TNIK: variants seen among roughly 807,000 people sequenced by gnomAD.
TNIK encodes the protein TRAF2 and NCK interacting kinase, also known as TRAF2 and NCK-interacting protein kinase.
In TNIK, 49 loss-of-function variants were observed where a neutral mutation model predicts 191.3. The observed-to-expected ratio is 0.26, with a 90% CI of 0.20 to 0.32. The LOEUF (loss-of-function observed/expected upper bound fraction) is 0.32. Among genes scored for constraint, TNIK ranks in the 10% least tolerant of loss-of-function variants. TNIK has a pLI of 1.00. For synonymous variants in TNIK, 594 were observed against 600.9 expected, an observed-to-expected ratio of 0.99 and a Z score of 0.17; for missense variants, 1,155 against 1,702.3, an observed-to-expected ratio of 0.68 and a Z score of 5.66.
chr3:171,106,885 T>A (rs905171983), intron 21 of TNIK: 6 of 507,460 alleles, frequency 1.2e-5, no homozygotes, highest in Non-Finnish European at 2.3e-5. Flanking sequence ...AGGTTTGCTA[T>A]TGGAAGATAC....
intron 3 of TNIK, among the ~76,000 whole-genome samples, chr3:171,214,446 T>C (rs896039380): frequency 6.6e-6 from 1 of 152,208 alleles, no homozygotes; most frequent in Non-Finnish European, 1.5e-5. Flanking sequence ...AGTGGCAGAA[T>C]TGCCACTGAA....
intron 3 of TNIK, among the ~76,000 whole-genome samples, chr3:171,219,096 A>G (rs1383947506): frequency 1.5e-5 from 2 of 132,882 alleles, no homozygotes; most frequent in Non-Finnish European, 3.1e-5. Context: ...ATATAAATAT[A>G]TAATTATAAA....
At chr3:171,317,784 C>A (rs1252676379) in intron 2 of TNIK, among the ~76,000 whole-genome samples, 1 of 152,144 alleles carries the variant, frequency 6.6e-6, no homozygotes, top group Non-Finnish European at 1.5e-5. Context: ...ACATTGGTAT[C>A]CAGGTCCTAG....
intron 3 of TNIK, among the ~76,000 whole-genome samples, chr3:171,218,291 G>T (rs549399052): frequency 1.6e-4 from 25 of 152,182 alleles, no homozygotes; most frequent in South Asian, 4.2e-4. Flanking sequence ...CCCTAAAGGG[G>T]TAGATAACAA....
At chr3:171,125,551 G>A (rs1728342637) in intron 17 of TNIK, among the ~76,000 whole-genome samples, 1 of 152,130 alleles carries the variant, frequency 6.6e-6, no homozygotes, top group Admixed American at 6.5e-5. Flanking sequence ...CTTTTTATCT[G>A]GAAGTTTTCA....
intron 2 of TNIK, among the ~76,000 whole-genome samples, chr3:171,232,078 T>C (rs1016628233): frequency 1.3e-5 from 2 of 152,216 alleles, no homozygotes; most frequent in Admixed American, 1.3e-4. Flanking sequence ...AAGGGGATGT[T>C]ATTGCAATAG....
At chr3:171,305,436 G>C (rs1358748082) in intron 2 of TNIK, among the ~76,000 whole-genome samples, 1 of 152,092 alleles carries the variant, frequency 6.6e-6, no homozygotes, top group South Asian at 2.1e-4. Flanking sequence ...AAACCTACAG[G>C]ATGGGAGAAA....
chr3:171,299,553 G>C lies in TNIK; in HGVS notation c.123+70067C>G, dbSNP rs574059316. 2.0e-5 allele frequency among the ~76,000 whole-genome samples: 3 copies of C among 152,254 alleles called. No homozygotes were observed. In the South Asian group the frequency reaches 6.2e-4, roughly 32 times the overall value. Reference sequence around the variant, plus strand: ...AAGGTGACTTTTATGATAACTATTTGTTGCTCAGCCTCAGCTTAGATGGTT... The same window carrying C: ...AAGGTGACTTTTATGATAACTATTTCTTGCTCAGCCTCAGCTTAGATGGTT... On this transcript the variant is annotated intron_variant, in intron 2 of 32. Transcript: ENST00000436636.
chr3:171,267,405 A>G (rs1748531092), intron 2 of TNIK, among the ~76,000 whole-genome samples: 1 of 152,224 alleles, frequency 6.6e-6, no homozygotes. Flanking sequence ...AAGGGAATAT[A>G]CTTAATTCAG....
intron 32 of TNIK, among the ~76,000 whole-genome samples, chr3:171,065,727 G>A (rs918017314): frequency 6.6e-6 from 1 of 151,830 alleles, no homozygotes; most frequent in East Asian, 1.9e-4. Flanking sequence ...CATTCCTTAA[G>A]GAATGGGTGA....
intron 3 of TNIK, 102 bp from the exon 4 acceptor site, chr3:171,211,343 T>C: frequency 7.7e-7 from 1 of 1,307,088 alleles, no homozygotes; most frequent in Non-Finnish European, 1.0e-6. Context: ...TTTTCTTCCT[T>C]GTTGACAAAT....
At chr3:171,289,371 T>A (rs1751426335) in intron 2 of TNIK, among the ~76,000 whole-genome samples, 1 of 152,214 alleles carries the variant, frequency 6.6e-6, no homozygotes, top group Non-Finnish European at 1.5e-5. Flanking sequence ...AATAAGGTCT[T>A]AAAAACTCTT....
At chr3:171,066,384 G>T in intron 31 of TNIK, 58 bp from the exon 32 acceptor site, 1 of 1,596,274 alleles carries the variant, frequency 6.3e-7, no homozygotes. Context: ...ATAACTCACA[G>T]CATCTGTTCA....
intron 2 of TNIK, among the ~76,000 whole-genome samples, chr3:171,306,958 C>CG (rs1753518510): frequency 6.6e-6 from 1 of 151,960 alleles, no homozygotes; most frequent in Non-Finnish European, 1.5e-5. Context: ...ACACAAGCCC[C>CG]GGGAACAAAG....
At chr3:171,289,643 C>A (rs1247236306) in intron 2 of TNIK, among the ~76,000 whole-genome samples, 1 of 152,120 alleles carries the variant, frequency 6.6e-6, no homozygotes, top group Admixed American at 6.6e-5. Context: ...GTGGCTCATG[C>A]CTAATCCCAG....
chr3:171,315,428 T>C (rs1560416792), intron 2 of TNIK, among the ~76,000 whole-genome samples: 3 of 152,134 alleles, frequency 2.0e-5, no homozygotes, highest in Admixed American at 1.3e-4. Context: ...AATTCAATCA[T>C]TGACCCACAC....
chr3:171,094,971 T>C (rs1722529165), intron 22 of TNIK, among the ~76,000 whole-genome samples: 1 of 152,172 alleles, frequency 6.6e-6, no homozygotes, highest in African/African-American at 2.4e-5. Context: ...AAAAAATGAT[T>C]ATTAGATCCA....
rs575693632 is a variant in TNIK at position 171,391,344 on chromosome 3, A to G, written c.58-21659T>C. Among the ~76,000 whole-genome samples, 5 of 152,340 alleles carry G rather than the reference A, an allele frequency of 3.3e-5. No individual in the cohort carries two copies. In the South Asian group the frequency reaches 6.2e-4, roughly 19 times the overall value. ...TAAGAATTATTTTGAGCTAAAGGCA[A>G]CTGACAAACATCAGATGTATATAAA... On this transcript the variant is annotated intron_variant, in intron 1 of 32. Coordinates refer to ENST00000436636, the MANE Select transcript of TNIK (RefSeq NM_015028.4).
rs565599846 is a variant in TNIK at position 171,157,800 on chromosome 3, G to A, written c.1017-136C>T. The A allele has an allele frequency of 5.6e-5, 49 of 874,444 alleles. No homozygotes were observed. The African/African-American group carries it at 5.6e-4, about 10-fold the overall frequency. The allele number at this position is 874,444 out of a possible 1,614,324, so 54.2% of individuals were successfully genotyped here. ...AAGAGCACAGGCTCCTAGATCCTCC[G>A]CTAATTCAATCATTCACCCCAAAGA... is the stretch of plus-strand genomic sequence containing the variant. On this transcript the variant is annotated intron_variant, in intron 11 of 32. Transcript: ENST00000436636.
Sources: allele counts gnomAD v4.1 joint callset (sites outside exome capture counted in the v4.1 genomes callset), GRCh38; gene constraint gnomAD v4.1.1; transcripts MANE v1.5; gene names NCBI Gene and HGNC (gene_info 2026-07-23, HGNC 2026-07-21).